SOX6: variants seen among roughly 807,000 people sequenced by gnomAD.
SOX6 encodes the protein transcription factor SOX-6.
SOX6 carries 11 observed loss-of-function variants against 97.8 expected under a neutral mutation model. The observed-to-expected ratio is 0.11, with a 90% CI of 0.07 to 0.19. The LOEUF (loss-of-function observed/expected upper bound fraction) is 0.19. Among genes scored for constraint, SOX6 ranks in the 10% least tolerant of loss-of-function variants. SOX6 has a pLI of 1.00. For missense variants in SOX6, 810 were observed against 1,039.5 expected (o/e 0.78, Z 3.04); for synonymous variants, 360 against 371.4 (o/e 0.97, Z 0.35).
intron 6 of SOX6, among the ~76,000 whole-genome samples, chr11:16,132,505 A>AAAGAGAAAGAAAGCAAGC: frequency 1.2e-5 from 1 of 86,216 alleles, no homozygotes; most frequent in Non-Finnish European, 2.6e-5. Flanking sequence ...AGAAAGAAAG[A>AAAGAGAAAGAAAGCAAGC]AAGCTTATCT....
chr11:16,386,450 G>A (rs1002406627), intron 1 of SOX6, among the ~76,000 whole-genome samples: 2 of 151,962 alleles, frequency 1.3e-5, no homozygotes, highest in African/African-American at 4.8e-5. Context: ...ACAAGATACA[G>A]ATTCCTGCAT....
chr11:16,704,132 C>A (rs1848114290), intron 3 of SOX6, among the ~76,000 whole-genome samples: 1 of 152,108 alleles, frequency 6.6e-6, no homozygotes, highest in Non-Finnish European at 1.5e-5. Context: ...TTATGATTTT[C>A]ATTTATTCTG....
Position 16,132,393 on chromosome 11 carries a change from AGAAAGAAAAAAGAAAG to A in SOX6, c.778-20486_778-20471del, listed in dbSNP as rs1178211706. 3.6e-3 allele frequency among the ~76,000 whole-genome samples: 297 copies of A among 82,506 alleles called. 3 individuals are homozygous for A. Among genetic ancestry groups the A allele is most frequent in the South Asian group, 6.2e-3 (15 of 2,414 alleles). 54.1% of individuals were successfully genotyped at this position (82,506 alleles called of 152,430 possible). A position where few individuals can be genotyped will look rare whatever the true frequency, so the allele number is the denominator to read the frequency against. ...AAGAAAGAAAGAAAGAAAGAAAGAA[AGAAAGAAAAAAGAAAG>A]AAAGAAAGAAAGAAAGAAAGAAAGA... On this transcript the variant is annotated intron_variant, in intron 6 of 15. Coordinates refer to ENST00000683767, the MANE Select transcript of SOX6 (RefSeq NM_001367873.1).
chr11:16,176,082 T>C (rs1179888876), intron 6 of SOX6, among the ~76,000 whole-genome samples: 14 of 150,424 alleles, frequency 9.3e-5, no homozygotes, highest in Non-Finnish European at 1.6e-4. Context: ...GATGGATGGA[T>C]GGATGGATGG....
chr11:16,107,325 G>A, intron 7 of SOX6, among the ~76,000 whole-genome samples: 1 of 148,678 alleles, frequency 6.7e-6, no homozygotes, highest in African/African-American at 2.5e-5. Context: ...ATAGCCAAAA[G>A]GTAGAAACAA....
chr11:16,598,661 AATC>A (rs1299770098), intron 4 of SOX6, among the ~76,000 whole-genome samples: 1 of 151,908 alleles, frequency 6.6e-6, no homozygotes, highest in African/African-American at 2.4e-5. Flanking sequence ...AAAAAAAAAA[AATC>A]TGTTGCATTT....
intron 4 of SOX6, among the ~76,000 whole-genome samples, chr11:16,579,188 C>T (rs1036724549): frequency 5.9e-5 from 9 of 151,970 alleles, no homozygotes; most frequent in African/African-American, 1.9e-4. Flanking sequence ...ATCAATTCCA[C>T]AATAAAAATG....
At chr11:16,034,290 C>T (rs150875309) in intron 12 of SOX6, among the ~76,000 whole-genome samples, 73 of 152,264 alleles carry the variant, frequency 4.8e-4, no homozygotes, top group African/African-American at 1.7e-3. Context: ...TTTTACAAGA[C>T]ACCCTTTGTG....
At position 16,035,393 on chromosome 11, in the gene SOX6, T is replaced by C. The variant is rs112888026; in HGVS notation, c.1623+11121A>G. Among the ~76,000 whole-genome samples the C allele has an allele frequency of 1.7e-3, 265 of 152,366 alleles. 2 individuals are homozygous for C. The highest frequency in any genetic ancestry group is 6.0e-3 in the African/African-American group (249 of 41,592). ...ATAATAAAAATTCCACTTCTTAGGA[T>C]GTTTGCTAGAATTAACTTTAATTAA... On this transcript the variant is annotated intron_variant, in intron 12 of 15. Transcript: ENST00000683767.
intron 3 of SOX6, among the ~76,000 whole-genome samples, chr11:16,692,245 A>G (rs1246988352): frequency 6.6e-6 from 1 of 151,940 alleles, no homozygotes; most frequent in African/African-American, 2.4e-5. Context: ...TAATTTTTGT[A>G]TTTTTAGTGG....
At chr11:16,116,364 A>C (rs1198303057) in intron 6 of SOX6, among the ~76,000 whole-genome samples, 1 of 152,204 alleles carries the variant, frequency 6.6e-6, no homozygotes, top group Non-Finnish European at 1.5e-5. Context: ...TGTGAGGTTA[A>C]GTAACATAAC....
intron 1 of SOX6, among the ~76,000 whole-genome samples, chr11:16,460,833 T>C (rs1859910231): frequency 2.0e-5 from 3 of 152,120 alleles, no homozygotes. Context: ...CCATAATCTC[T>C]AGTATCTTCA....
intron 4 of SOX6, among the ~76,000 whole-genome samples, chr11:16,557,101 A>G (rs1373469218): frequency 1.3e-5 from 2 of 151,808 alleles, no homozygotes; most frequent in Non-Finnish European, 3.0e-5. Flanking sequence ...TAGTAAATAC[A>G]ACTATAGTTT....
intron 11 of SOX6, among the ~76,000 whole-genome samples, chr11:16,047,105 C>T (rs1411275678): frequency 6.6e-6 from 1 of 152,082 alleles, no homozygotes; most frequent in Non-Finnish European, 1.5e-5. Flanking sequence ...GATGTTTGTC[C>T]AGGCTACCCA....
intron 3 of SOX6, among the ~76,000 whole-genome samples, chr11:16,639,860 G>A (rs946639071): frequency 3.3e-5 from 5 of 152,162 alleles, no homozygotes; most frequent in African/African-American, 9.7e-5. Context: ...TGCAAACAGG[G>A]ACAATTTGAC....
At chr11:16,628,881 G>C (rs1444062281) in intron 3 of SOX6, among the ~76,000 whole-genome samples, 2 of 151,778 alleles carry the variant, frequency 1.3e-5, no homozygotes, top group African/African-American at 4.8e-5. Flanking sequence ...TATGACTACT[G>C]TAAGTGGCTC....
intron 3 of SOX6, among the ~76,000 whole-genome samples, chr11:16,694,874 C>A (rs975176434): frequency 2.6e-5 from 4 of 152,180 alleles, no homozygotes; most frequent in African/African-American, 9.7e-5. Flanking sequence ...CAAGTACAGA[C>A]TTTTTCCTTC....
chr11:16,307,531 C>T (rs574821291), intron 3 of SOX6, among the ~76,000 whole-genome samples: 1 of 152,066 alleles, frequency 6.6e-6, no homozygotes, highest in Non-Finnish European at 1.5e-5. Flanking sequence ...TCCATCTCTC[C>T]CCTGTCCATA....
At chr11:16,093,724 CATAACTGTGACATTTTAGCTT>C (rs1448273149) in intron 9 of SOX6, among the ~76,000 whole-genome samples, 1 of 151,916 alleles carries the variant, frequency 6.6e-6, no homozygotes, top group Non-Finnish European at 1.5e-5. Flanking sequence ...TGTTTCTTGA[CATAACTGTGACATTTTAGCTT>C]ATCAAAGGAG....
Sources: allele counts gnomAD v4.1 joint callset (sites outside exome capture counted in the v4.1 genomes callset), GRCh38; gene constraint gnomAD v4.1.1; transcripts MANE v1.5; gene names NCBI Gene and HGNC (gene_info 2026-07-23, HGNC 2026-07-21).